Variants in KIF4A observed in about 807,000 individuals in gnomAD.
The protein encoded by KIF4A is kinesin family member 4A, also known as chromosome-associated kinesin KIF4A.
KIF4A carries 7 observed loss-of-function variants against 105.9 expected under a neutral mutation model. The ratio of observed to expected loss-of-function variants is 0.07; its 90% CI spans 0.04 to 0.12. KIF4A has a LOEUF of 0.12. KIF4A is among the 10% of genes least tolerant of loss of function. KIF4A has a pLI of 1.00. For synonymous variants in KIF4A, 281 were observed against 331.3 expected, an observed-to-expected ratio of 0.85 and a Z score of 1.65; for missense variants, 558 against 929.2, an observed-to-expected ratio of 0.60 and a Z score of 5.19.
intron 8 of KIF4A, 94 bp from the exon 9 acceptor site, chrX:70,330,063 G>A (rs2072893772): frequency 1.4e-6 from 1 of 739,756 alleles, no homozygotes; most frequent in African/African-American, 2.1e-5. Context: ...TTATAGCTCT[G>A]AATTTTAAGT....
In KIF4A at chrX:70,407,142, C is replaced by T. The variant is rs375720466; in HGVS notation, c.3255+67C>T. 1.9e-4 allele frequency: 207 copies of T among 1,101,135 alleles called. 2 individuals are homozygous for T. In the African/African-American group the frequency reaches 2.5e-3, roughly 13 times the overall value. 90.7% of individuals were successfully genotyped at this position (1,101,135 alleles called of 1,213,427 possible). A position where few individuals can be genotyped will look rare whatever the true frequency, so the allele number is the denominator to read the frequency against. ...TTGTTTTTGGAGACAGAGTCTCACT[C>T]TGTCGCCCAGGCTGGAGTACAGTGG... On this transcript the variant is annotated intron_variant, in intron 28 of 30. Transcript: ENST00000374403.
chrX:70,328,129 G>C (rs1166389560), intron 7 of KIF4A, among the ~76,000 whole-genome samples: 1 of 112,011 alleles, frequency 8.9e-6, no homozygotes, highest in African/African-American at 3.2e-5. Context: ...ATAAAAGGTA[G>C]AGTAGAGCTA....
intron 7 of KIF4A, among the ~76,000 whole-genome samples, chrX:70,310,355 A>G (rs2085845045): frequency 1.1e-5 from 1 of 93,452 alleles, no homozygotes; most frequent in Non-Finnish European, 2.1e-5. Flanking sequence ...GTGTGCCTGG[A>G]TTCTTTTGCT....
At chrX:70,415,445 A>G in intron 28 of KIF4A, 1 of 191,759 alleles carries the variant, frequency 5.2e-6, no homozygotes, top group Non-Finnish European at 9.7e-6. Flanking sequence ...CCCTGTCTCT[A>G]CAAAACCAAA....
intron 15 of KIF4A, among the ~76,000 whole-genome samples, chrX:70,366,517 C>T (rs1463399013): frequency 8.9e-6 from 1 of 112,050 alleles, no homozygotes; most frequent in Non-Finnish European, 1.9e-5. Flanking sequence ...ACCCAGTAGT[C>T]AGTCATTCAG....
At chrX:70,368,356 G>C (rs1213724891) in intron 15 of KIF4A, among the ~76,000 whole-genome samples, 1 of 111,952 alleles carries the variant, frequency 8.9e-6, no homozygotes, top group Non-Finnish European at 1.9e-5. Flanking sequence ...TTTCTGCTCT[G>C]TTTTTTCCCC....
chrX:70,344,365 G>A (rs141784283), intron 13 of KIF4A, among the ~76,000 whole-genome samples: 2,686 of 111,609 alleles, frequency 0.024, 45 homozygotes, highest in Admixed American at 0.077. Context: ...AAGGCAACCA[G>A]GGAATACCAT....
intron 7 of KIF4A, among the ~76,000 whole-genome samples, chrX:70,321,659 G>T (rs754164753): frequency 9.0e-6 from 1 of 111,560 alleles, no homozygotes; most frequent in African/African-American, 3.3e-5. Context: ...CTGACTTTCT[G>T]CCCTCAGCAT....
chrX:70,388,885 A>T (rs956537528), intron 20 of KIF4A, among the ~76,000 whole-genome samples: 2 of 112,189 alleles, frequency 1.8e-5, no homozygotes, highest in Admixed American at 1.9e-4. Flanking sequence ...AAGAGCAAAC[A>T]TTTATTATGT....
At chrX:70,396,352 G>T (rs899080955) in intron 22 of KIF4A, 3 of 158,444 alleles carry the variant, frequency 1.9e-5, no homozygotes, top group Non-Finnish European at 2.4e-5. Flanking sequence ...CAACCCCCTC[G>T]CTGCTAAATT....
chrX:70,336,416 T>C (rs1308726995), intron 10 of KIF4A, among the ~76,000 whole-genome samples: 1 of 111,814 alleles, frequency 8.9e-6, no homozygotes, highest in Admixed American at 9.5e-5. Flanking sequence ...ATTTCTACCT[T>C]TATAAGGTAT....
Position 70,407,462 on chromosome X carries a change from G to A in KIF4A, c.3255+387G>A, listed in dbSNP as rs942203654. Among the ~76,000 whole-genome samples, 9 of 111,049 alleles carry A rather than the reference G, an allele frequency of 8.1e-5. No individual in the cohort carries two copies. In the Admixed American group the frequency reaches 8.7e-4, roughly 11 times the overall value. On this transcript the variant is annotated intron_variant, in intron 28 of 30. Transcript: ENST00000374403. Reference sequence around the variant, plus strand: ...TCTTAGTATTCATTCACTGCCACTGGGATAGTTTTCTGAATCTAGGAATGT... The same window carrying A: ...TCTTAGTATTCATTCACTGCCACTGAGATAGTTTTCTGAATCTAGGAATGT...
intron 28 of KIF4A, among the ~76,000 whole-genome samples, chrX:70,408,504 A>G (rs1322382915): frequency 2.7e-5 from 3 of 111,662 alleles, no homozygotes; most frequent in African/African-American, 9.8e-5. Context: ...ACTACCCCCA[A>G]CTGTGCCCTG....
rs1434038600 is a variant in KIF4A at position 70,344,049 on chromosome X, C to A, written c.1431+67C>A. 5.0e-6 allele frequency: 4 copies of A among 805,770 alleles called. No individual in the cohort carries two copies. In the East Asian group the frequency reaches 1.0e-4, roughly 20 times the overall value. 66.4% of individuals were successfully genotyped at this position (805,770 alleles called of 1,213,427 possible). A position where few individuals can be genotyped will look rare whatever the true frequency, so the allele number is the denominator to read the frequency against. ...ATTTGTTTCTCTTGACACATACAAG[C>A]CTTTCTAGCTCTGTGCCTTTTGCTG... On this transcript the variant is annotated intron_variant, in intron 13 of 30. Coordinates refer to ENST00000374403, the MANE Select transcript of KIF4A (RefSeq NM_012310.5).
Position 70,297,079 on chromosome X carries a change from A to G in KIF4A, c.317A>G (p.Gln106Arg). 3 of 1,211,741 alleles carry G rather than the reference A, an allele frequency of 2.5e-6. No homozygotes were observed. The highest frequency in any genetic ancestry group is 3.4e-6 in the Non-Finnish European group (3 of 895,151). ...ATGGGAGGTGCATATACTGCAGAGC[A>G]AGAGAATGAACCAACAGTTGGGGTT... Reference protein sequence around the residue: ...YSMGGAYTAEQENEPTVGVIP... With the variant: ...YSMGGAYTAERENEPTVGVIP... Residue 106 changes from glutamine to arginine, a missense_variant, in exon 4 of 31, where the codon CAA (glutamine) becomes CGA (arginine). By Grantham distance (43) the Gln-to-Arg change is conservative. Around this residue, in one of 2 missense-constraint regions of KIF4A, gnomAD observed 89 missense variants for 248.8 expected, o/e 0.36. Transcript: ENST00000374403.
chrX:70,325,483 G>C (rs1315487705), intron 7 of KIF4A, among the ~76,000 whole-genome samples: 1 of 111,042 alleles, frequency 9.0e-6, no homozygotes, highest in Non-Finnish European at 1.9e-5. Context: ...TTGCCACGTT[G>C]CCCACACTGG....
At chrX:70,312,914 T>C (rs1449648036) in intron 7 of KIF4A, among the ~76,000 whole-genome samples, 3 of 112,315 alleles carry the variant, frequency 2.7e-5, no homozygotes, top group African/African-American at 6.5e-5. Flanking sequence ...TCTAATGTAT[T>C]GCATTATGTT....
intron 3 of KIF4A, among the ~76,000 whole-genome samples, chrX:70,292,299 C>CA (rs997262690): frequency 2.7e-5 from 3 of 112,415 alleles, no homozygotes; most frequent in African/African-American, 9.7e-5. Context: ...AGATCTAGTT[C>CA]AAAATCACGT....
chrX:70,361,511 A>C (rs2086075369), intron 15 of KIF4A: 1 of 160,569 alleles, frequency 6.2e-6, no homozygotes, highest in Admixed American at 5.6e-5. Flanking sequence ...GTTGCACATC[A>C]CATCTATGTA....
Sources: allele counts gnomAD v4.1 joint callset (sites outside exome capture counted in the v4.1 genomes callset), GRCh38; gene constraint gnomAD v4.1.1; regional missense constraint gnomAD v4.1.1; transcripts MANE v1.5; gene names NCBI Gene and HGNC (gene_info 2026-07-23, HGNC 2026-07-21).